Variants in HSF5 observed in about 807,000 individuals in gnomAD.
HSF5 encodes heat shock factor protein 5.
In HSF5, 5 loss-of-function variants were observed where a neutral mutation model predicts 50.8. That is an observed-to-expected ratio of 0.10 (90% confidence interval 0.05 to 0.21). The LOEUF is 0.21. HSF5 is among the 10% of genes least tolerant of loss of function. The pLI is 1.00. For missense variants in HSF5, 564 were observed against 762.6 expected (o/e 0.74, Z 3.07); for synonymous variants, 307 against 307.4 (o/e 1.00, Z 0.02).
At chr17:58,435,411 G>T (rs1974414171) in intron 5 of HSF5, among the ~76,000 whole-genome samples, 1 of 152,134 alleles carries the variant, frequency 6.6e-6, no homozygotes. Flanking sequence ...CAGTTGTGTG[G>T]TGGCTCATGC....
intron 5 of HSF5, among the ~76,000 whole-genome samples, 197 bp downstream of exon 5, chr17:58,458,571 A>G (rs717828): frequency 0.64 from 97,896 of 152,032 alleles, 31,917 homozygotes; most frequent in African/African-American, 0.73. Context: ...TGCAATATTA[A>G]GAAAATAACT....
rs748634407 is a variant in HSF5 at position 58,488,297 on chromosome 17, G to GC, written c.-24dup. On this transcript the variant is annotated 5_prime_UTR_variant, in exon 1 of 6. Coordinates refer to ENST00000323777, the MANE Select transcript of HSF5 (RefSeq NM_001080439.3). The surrounding 1 kb of genome is among the most constrained non-coding windows in gnomAD (Gnocchi z 4.1). ...CATCGCCCCGCCGGGCCGGGGCCTCGCCCCCCGAGCCTAGCTCTCCCACAC... is the reference window on the plus strand; with the variant it reads ...CATCGCCCCGCCGGGCCGGGGCCTCGCCCCCCCGAGCCTAGCTCTCCCACAC... The GC allele has an allele frequency of 2.1e-6, 3 of 1,449,810 alleles. No individual in the cohort carries two copies. Among genetic ancestry groups the GC allele is most frequent in the East Asian group, 2.7e-5 (1 of 37,680 alleles). The allele number at this position is 1,449,810 out of a possible 1,614,324, so 89.8% of individuals were successfully genotyped here. A position where few individuals can be genotyped will look rare whatever the true frequency, so the allele number is the denominator to read the frequency against.
intron 5 of HSF5, among the ~76,000 whole-genome samples, chr17:58,429,559 T>C (rs1974337669): frequency 6.6e-6 from 1 of 151,640 alleles, no homozygotes; most frequent in Non-Finnish European, 1.5e-5. Context: ...AAAAACTAAA[T>C]GTTTGGCCAG....
intron 5 of HSF5, among the ~76,000 whole-genome samples, chr17:58,438,740 G>A (rs949108533): frequency 6.6e-6 from 1 of 152,084 alleles, no homozygotes; most frequent in Admixed American, 6.6e-5. Flanking sequence ...TTGACTGCCT[G>A]TGGTTGACAA....
intron 5 of HSF5, among the ~76,000 whole-genome samples, chr17:58,426,905 A>G (rs1974302053): frequency 6.6e-6 from 1 of 152,150 alleles, no homozygotes; most frequent in Non-Finnish European, 1.5e-5. Context: ...CAAAATACAC[A>G]TCACTGAAAT....
In HSF5 at chr17:58,487,739, CG is replaced by C. The variant is rs1421917168; in HGVS notation, c.535del (p.Arg179GlyfsTer10). On this transcript the variant is annotated frameshift_variant, in exon 1 of 6. Coordinates refer to ENST00000323777, the MANE Select transcript of HSF5 (RefSeq NM_001080439.3). LOFTEE classifies it high-confidence loss of function. The stretch of plus-strand genomic sequence containing the variant: ...TCCGGACTCACCGTGCGGCTCGGGC[CG>C]GGGCCCCGCGGGCGGCGGCGGCTGC... ...HQQPPPPAGP[R>X]PEPHGPVAVG... 1.4e-6 allele frequency: 2 copies of C among 1,383,518 alleles called. No individual in the cohort carries two copies. Among genetic ancestry groups the C allele is most frequent in the South Asian group, 1.7e-5 (1 of 58,478 alleles). 85.7% of individuals were successfully genotyped at this position (1,383,518 alleles called of 1,614,324 possible). A position where few individuals can be genotyped will look rare whatever the true frequency, so the allele number is the denominator to read the frequency against.
At chr17:58,465,596 T>C (rs917889420) in intron 3 of HSF5, among the ~76,000 whole-genome samples, 2 of 145,394 alleles carry the variant, frequency 1.4e-5, no homozygotes, top group African/African-American at 2.6e-5. Context: ...AATCTGATTA[T>C]AATTTGACTT....
At chr17:58,431,838 T>C (rs957434933) in intron 5 of HSF5, among the ~76,000 whole-genome samples, 2 of 152,148 alleles carry the variant, frequency 1.3e-5, no homozygotes, top group African/African-American at 4.8e-5. Flanking sequence ...AAACCTTACC[T>C]CTTAGTGGTT....
chr17:58,426,231 T>C (rs982715333), intron 5 of HSF5, among the ~76,000 whole-genome samples: 2 of 152,160 alleles, frequency 1.3e-5, no homozygotes, highest in Non-Finnish European at 2.9e-5. Context: ...TTTTAATAAT[T>C]GGGCTTTAAA....
intron 5 of HSF5, among the ~76,000 whole-genome samples, chr17:58,426,837 T>C (rs1974301233): frequency 6.6e-6 from 1 of 152,212 alleles, no homozygotes; most frequent in South Asian, 2.1e-4. Flanking sequence ...AGTCAGCATG[T>C]ACTCAAAAGA....
chr17:58,465,285 G>A (rs1567914584), intron 3 of HSF5, among the ~76,000 whole-genome samples: 1 of 148,172 alleles, frequency 6.7e-6, no homozygotes, highest in Non-Finnish European at 1.5e-5. Flanking sequence ...GCCTCCCAAA[G>A]AGCTGGGATT....
chr17:58,449,759 C>T (rs1328645263), intron 5 of HSF5, among the ~76,000 whole-genome samples: 1 of 151,006 alleles, frequency 6.6e-6, no homozygotes, highest in Non-Finnish European at 1.5e-5. Flanking sequence ...CGCGGTGGCT[C>T]ACGCCTGTAA....
intron 2 of HSF5, among the ~76,000 whole-genome samples, chr17:58,472,784 A>G (rs1974965352): frequency 6.6e-6 from 1 of 152,180 alleles, no homozygotes; most frequent in Non-Finnish European, 1.5e-5. Flanking sequence ...GAAATGAATT[A>G]GAGGCAGCCC....
At chr17:58,453,587 A>G (rs1333140369) in intron 5 of HSF5, among the ~76,000 whole-genome samples, 1 of 149,088 alleles carries the variant, frequency 6.7e-6, no homozygotes, top group Non-Finnish European at 1.5e-5. Flanking sequence ...AGAGTGAGCA[A>G]AACTCCATCT....
At chr17:58,442,568 A>G (rs1250952223) in intron 5 of HSF5, among the ~76,000 whole-genome samples, 5 of 152,120 alleles carry the variant, frequency 3.3e-5, no homozygotes, top group African/African-American at 1.2e-4. Context: ...ATTTTGTCCA[A>G]TGCTTTCCCT....
intron 1 of HSF5, among the ~76,000 whole-genome samples, chr17:58,482,942 A>T (rs1399303514): frequency 2.1e-4 from 28 of 131,578 alleles, no homozygotes; most frequent in South Asian, 1.5e-3. Flanking sequence ...TCTGTCTTTT[A>T]AAAAAAAAAA....
rs1047446196 is a variant in HSF5, at chr17:58,425,558, T to G, written c.1721-3128A>C. Reference sequence around the variant, plus strand: ...CCACTGCACTCCAGCCTGGGCAACATAGTAAGACCTCTATCTCAAAAAAAA... The same window carrying G: ...CCACTGCACTCCAGCCTGGGCAACAGAGTAAGACCTCTATCTCAAAAAAAA... On this transcript the variant is annotated intron_variant, in intron 5 of 5. Transcript: ENST00000323777. 1.1e-4 allele frequency among the ~76,000 whole-genome samples: 10 copies of G among 87,946 alleles called. No individual in the cohort carries two copies. In the South Asian group the frequency reaches 3.4e-3, roughly 30 times the overall value. The allele number at this position is 87,946 out of a possible 152,430, so 57.7% of individuals were successfully genotyped here.
intron 1 of HSF5, among the ~76,000 whole-genome samples, chr17:58,483,302 T>C (rs1380461882): frequency 6.6e-6 from 1 of 152,232 alleles, no homozygotes; most frequent in African/African-American, 2.4e-5. Context: ...CTATTTTAGA[T>C]GCAGTTAAAA....
chr17:58,428,932 C>T (rs1316709638), intron 5 of HSF5, among the ~76,000 whole-genome samples: 1 of 152,156 alleles, frequency 6.6e-6, no homozygotes. Context: ...AAAACAAATA[C>T]TCGTATATGC....
Sources: gnomAD v4.1 joint callset for allele counts (sites outside exome capture counted in the v4.1 genomes callset) on GRCh38, gnomAD v4.1.1 for gene constraint, Gnocchi (gnomAD v3.1) non-coding constraint, MANE v1.5 for transcripts, NCBI Gene and HGNC (gene_info 2026-07-23, HGNC 2026-07-21) for gene names.